The following ATN1 variants were observed in gnomAD, a reference collection of about 807,000 sequenced individuals.
ATN1 encodes atrophin 1.
Under a neutral mutation model 85.8 loss-of-function variants are expected in ATN1, and 19 were observed. The ratio of observed to expected loss-of-function variants is 0.22; its 90% confidence interval spans 0.15 to 0.32. The LOEUF (loss-of-function observed/expected upper bound fraction) is 0.32, where lower values mean the gene tolerates loss of function less well. Ranked by LOEUF, ATN1 falls within the 10% of genes least tolerant of loss-of-function variation. The probability of loss-of-function intolerance (pLI) is 1.00; values close to 1 mark genes in which losing one functional copy is unlikely to be tolerated. For missense variants in ATN1, 1,453 were observed against 1,564.5 expected (o/e 0.93, Z 1.20); for synonymous variants, 674 against 657.0 (o/e 1.03, Z -0.39).
At position 6,937,174 on chromosome 12, in the gene ATN1, C is replaced by T; in HGVS notation, c.1907C>T (p.Pro636Leu). The T allele has an allele frequency of 6.2e-7, 1 of 1,611,280 alleles. No homozygotes were observed. Among genetic ancestry groups the T allele is most frequent in the South Asian group, 1.1e-5 (1 of 91,064 alleles). The change falls in exon 5 of 10, where the codon CCC becomes CTC. Residue 636 changes from proline (P) to leucine (L), a missense_variant. By Grantham distance (98) the Pro-to-Leu change is moderately conservative (BLOSUM62 -3). This residue lies in a region of ATN1 where 990 missense variants were observed against 914.8 expected (regional missense o/e 1.08). Coordinates refer to ENST00000396684, the MANE Select transcript of ATN1 (RefSeq NM_001940.4). This position sits in a 1 kb window ranked among gnomAD's most constrained non-coding sequence, Gnocchi z 6.0. The part of the protein sequence containing the change: ...AGYKTASPPG[P>L]PPYGKRAPSP... ...TACAAAACGGCCTCCCCACCTGGGCCCCCACCGTACGGAAAGAGAGCCCCG... is the reference window on the plus strand; with the variant it reads ...TACAAAACGGCCTCCCCACCTGGGCTCCCACCGTACGGAAAGAGAGCCCCG...
Position 6,937,646 on chromosome 12 carries a change from C to T in ATN1, c.2294+85C>T. On this transcript the variant is annotated intron_variant, in intron 5 of 9. Coordinates refer to ENST00000396684, the MANE Select transcript of ATN1 (RefSeq NM_001940.4). The surrounding 1 kb of genome is among the most constrained non-coding windows in gnomAD (Gnocchi z 6.0). ...GAGAGAGGGAGTAGCAGGGAGGGGC[C>T]TTGCGCTGGTGTAGTGTTTTAGAAA... 3 of 1,433,024 alleles carry T rather than the reference C, an allele frequency of 2.1e-6. No homozygotes were observed. Among genetic ancestry groups the T allele is most frequent in the Non-Finnish European group, 2.7e-6 (3 of 1,091,564 alleles). 88.8% of individuals were successfully genotyped at this position (1,433,024 alleles called of 1,614,324 possible).
At chr12:6,924,908 C>T (rs1397664158), upstream of ATN1, among the ~76,000 whole-genome samples, 1 of 152,178 alleles carries the variant, frequency 6.6e-6, no homozygotes, top group East Asian at 1.9e-4. Context: ...TTTCATCCCT[C>T]CTCACCAGGT....
chr12:6,937,267 C>A lies in ATN1; in HGVS notation c.2000C>A (p.Thr667Lys). The A allele has an allele frequency of 6.2e-7, 1 of 1,609,902 alleles. No homozygotes were observed. Among genetic ancestry groups the A allele is most frequent in the Non-Finnish European group, 8.5e-7 (1 of 1,178,886 alleles). The change falls in exon 5 of 10, where the codon ACG becomes AAG. Residue 667 changes from threonine to lysine, a missense_variant. By Grantham distance (78) the Thr-to-Lys change is moderately conservative. Transcript: ENST00000396684. The surrounding 1 kb of genome is among the most constrained non-coding windows in gnomAD (Gnocchi z 6.0). ...CCCGGGTCGCCTCCCTCCTTCCGAA[C>A]GGGGACCCCACCGGGCTATCGAGGA... ...YKPGSPPSFR[T>K]GTPPGYRGTS...
At chr12:6,938,215 A>C in intron 6 of ATN1, 148 bp downstream of exon 6, 5 of 1,419,470 alleles carry the variant, frequency 3.5e-6, no homozygotes, top group Non-Finnish European at 3.7e-6. Flanking sequence ...GTACCACTGC[A>C]GCCCAGGAAA....
chr12:6,937,447 A>G lies in ATN1; in HGVS notation c.2180A>G (p.Lys727Arg). 1 of 1,547,004 alleles carries G rather than the reference A, an allele frequency of 6.5e-7. No homozygotes were observed. The highest frequency in any genetic ancestry group is 8.7e-7 in the Non-Finnish European group (1 of 1,147,124). ...CCGCCCCTGAGCGCCACGCAGATCA[A>G]ACAGGAGCCGGCTGAGGAGTATGAG... ...SGPPLSATQI[K>R]QEPAEEYETP... Residue 727 changes from lysine (K) to arginine (R), a missense_variant, in exon 5 of 10, where the codon AAA becomes AGA. Around this residue, in one of 6 missense-constraint regions of ATN1, gnomAD observed 990 missense variants for 914.8 expected, o/e 1.08. Coordinates refer to ENST00000396684, the MANE Select transcript of ATN1 (RefSeq NM_001940.4). The surrounding 1 kb of genome is among the most constrained non-coding windows in gnomAD (Gnocchi z 6.0).
In ATN1 at chr12:6,938,884, A is replaced by G. The variant is rs1262824837; in HGVS notation, c.2921A>G (p.His974Arg). ...CCGGGCTTGGATCCCTTTCCCCGAC[A>G]TGGGGGCCTGGCTCTGCAGCCTGGC... The part of the protein sequence containing the change: ...PGPGLDPFPR[H>R]GGLALQPGPP... Residue 974 changes from histidine to arginine, a missense_variant, in exon 7 of 10, where the codon CAT (histidine) becomes CGT (arginine). Physicochemically the swap from His to Arg is conservative, Grantham distance 29 (BLOSUM62 0). Around this residue, in one of 6 missense-constraint regions of ATN1, gnomAD observed 208 missense variants for 263.4 expected, o/e 0.79. Transcript: ENST00000396684. 9.9e-6 allele frequency: 16 copies of G among 1,613,870 alleles called. No homozygotes were observed. The highest frequency in any genetic ancestry group is 1.4e-5 in the Non-Finnish European group (16 of 1,179,976).
At chr12:6,929,110 C>T (rs1664869345) in intron 1 of ATN1, among the ~76,000 whole-genome samples, 1 of 152,136 alleles carries the variant, frequency 6.6e-6, no homozygotes, top group Admixed American at 6.5e-5. Flanking sequence ...TTGGAGAGGG[C>T]ACTGGGGCCC....
rs1009877987 is a variant in ATN1, at chr12:6,937,048, C to T, written c.1781C>T (p.Pro594Leu). 1.9e-6 allele frequency: 3 copies of T among 1,613,948 alleles called. No individual in the cohort carries two copies. Among genetic ancestry groups the T allele is most frequent in the Non-Finnish European group, 2.5e-6 (3 of 1,180,006 alleles). ...PCSHPSPSQG[P>L]QGAPYPFPPV... ...TCACACCCCTCCCCTTCCCAGGGCC[C>T]TCAAGGGGCGCCCTACCCTTTCCCA... is the stretch of plus-strand genomic sequence containing the variant. The change falls in exon 5 of 10, where the codon CCT becomes CTT. Residue 594 changes from proline (P) to leucine (L), a missense_variant. Physicochemically the swap from Pro to Leu is moderately conservative, Grantham distance 98 (BLOSUM62 -3). Transcript: ENST00000396684. The surrounding 1 kb of genome is among the most constrained non-coding windows in gnomAD (Gnocchi z 6.0).
At position 6,933,919 on chromosome 12, in the gene ATN1, T is replaced by G; in HGVS notation, c.-83T>G. 1 of 1,529,168 alleles carries G rather than the reference T, an allele frequency of 6.5e-7. No individual in the cohort carries two copies. Among genetic ancestry groups the G allele is most frequent in the Non-Finnish European group, 8.9e-7 (1 of 1,123,732 alleles). The allele number at this position is 1,529,168 out of a possible 1,614,324, so 94.7% of individuals were successfully genotyped here. On this transcript the variant is annotated 5_prime_UTR_variant, in exon 2 of 10. Transcript: ENST00000396684. ...GAGATCCTGCTTCCCAGACCACAGCTGTGGGGAACTTGGGGTGGAGCAGAG... is the reference window on the plus strand; with the variant it reads ...GAGATCCTGCTTCCCAGACCACAGCGGTGGGGAACTTGGGGTGGAGCAGAG...
At chr12:6,929,248 T>C (rs955804864) in intron 1 of ATN1, among the ~76,000 whole-genome samples, 13 of 152,120 alleles carry the variant, frequency 8.5e-5, no homozygotes, top group African/African-American at 3.1e-4. Flanking sequence ...TCCAGGCAAG[T>C]TGCGACCTCC....
Position 6,936,147 on chromosome 12 carries a change from T to C in ATN1, c.880T>C (p.Phe294Leu). ...ACCTTCTGCTCCACCACCAGCCAACTTCCCCCATGTGACACCGAACCTGCC... is the reference window on the plus strand; with the variant it reads ...ACCTTCTGCTCCACCACCAGCCAACCTCCCCCATGTGACACCGAACCTGCC... Reference protein sequence around the residue: ...NLPSAPPPANFPHVTPNLPPP... With the variant: ...NLPSAPPPANLPHVTPNLPPP... Residue 294 changes from phenylalanine (F) to leucine (L), a missense_variant, in exon 5 of 10, where the codon TTC becomes CTC. Phe to Leu is a conservative substitution (Grantham distance 22). Transcript: ENST00000396684. 2.0e-6 allele frequency: 3 copies of C among 1,532,674 alleles called. No individual in the cohort carries two copies. The highest frequency in any genetic ancestry group is 2.6e-6 in the Non-Finnish European group (3 of 1,140,714). 94.9% of individuals were successfully genotyped at this position (1,532,674 alleles called of 1,614,324 possible). A position where few individuals can be genotyped will look rare whatever the true frequency, so the allele number is the denominator to read the frequency against.
chr12:6,942,003 C>T lies in ATN1; in HGVS notation c.*223C>T, dbSNP rs781909036. ...AGGTGGCGAGGATGGGGACAGAAAGCGCACAGAATCTTGGACCAGGTCTCT... is the reference window on the plus strand; with the variant it reads ...AGGTGGCGAGGATGGGGACAGAAAGTGCACAGAATCTTGGACCAGGTCTCT... On this transcript the variant is annotated 3_prime_UTR_variant, in exon 10 of 10. Coordinates refer to ENST00000396684, the MANE Select transcript of ATN1 (RefSeq NM_001940.4). 2.6e-5 allele frequency: 15 copies of T among 583,280 alleles called. No individual in the cohort carries two copies. The highest frequency in any genetic ancestry group is 1.4e-4 in the East Asian group (5 of 35,382). The allele number at this position is 583,280 out of a possible 1,614,324, so 36.1% of individuals were successfully genotyped here.
chr12:6,936,368 A>G lies in ATN1; in HGVS notation c.1101A>G (p.Pro367=), dbSNP rs138480639. The change falls in exon 5 of 10, where the codon CCA becomes CCG. Residue 367 remains proline, a synonymous_variant. Transcript: ENST00000396684. ...HSLPPASSSA[P]APPMRFPYSS... is the part of the protein sequence containing the mutation. ...TGCCTCCTGCTTCCTCTTCTGCTCCAGCGCCCCCCATGAGGTTTCCTTATT... is the reference window on the plus strand; with the variant it reads ...TGCCTCCTGCTTCCTCTTCTGCTCCGGCGCCCCCCATGAGGTTTCCTTATT... 6,613 of 1,613,556 alleles carry G rather than the reference A, an allele frequency of 4.1e-3. 36 individuals are homozygous for G. Among genetic ancestry groups the G allele is most frequent in the South Asian group, 0.015 (1,402 of 91,060 alleles).
At chr12:6,940,258 G>T (rs1268071160) in intron 7 of ATN1, among the ~76,000 whole-genome samples, 1 of 151,536 alleles carries the variant, frequency 6.6e-6, no homozygotes, top group African/African-American at 2.4e-5. Flanking sequence ...CCAAAGTGCT[G>T]GAATTACAAG....
chr12:6,937,220 A>T lies in ATN1; in HGVS notation c.1953A>T (p.Thr651=). The T allele has an allele frequency of 6.2e-7, 1 of 1,611,662 alleles. No homozygotes were observed. The highest frequency in any genetic ancestry group is 8.5e-7 in the Non-Finnish European group (1 of 1,179,636). The change falls in exon 5 of 10, where the codon ACA becomes ACT. Residue 651 remains threonine (T), a synonymous_variant. Coordinates refer to ENST00000396684, the MANE Select transcript of ATN1 (RefSeq NM_001940.4). The surrounding 1 kb of genome is among the most constrained non-coding windows in gnomAD (Gnocchi z 6.0). The stretch of plus-strand genomic sequence containing the variant: ...CCCCGTCCCCGGGGGCCTACAAGAC[A>T]GCCACCCCACCCGGATACAAACCCG... The part of the protein sequence containing the change: ...KRAPSPGAYK[T]ATPPGYKPGS...
Position 6,938,750 on chromosome 12 carries a change from T to C in ATN1, c.2787T>C (p.Ala929=), listed in dbSNP as rs782213823. 2 of 1,614,056 alleles carry C rather than the reference T, an allele frequency of 1.2e-6. No individual in the cohort carries two copies. The highest frequency in any genetic ancestry group is 2.2e-5 in the South Asian group (2 of 91,086). The stretch of plus-strand genomic sequence containing the variant: ...CGGCCCTGTACAGCAGTGATCCAGC[T>C]GCCCGGGAGAGGGAACGGGAAGCCC... ...NVPALYSSDP[A]AREREREARE... The change falls in exon 7 of 10, where the codon GCT becomes GCC. Residue 929 remains alanine (A), a synonymous_variant. Coordinates refer to ENST00000396684, the MANE Select transcript of ATN1 (RefSeq NM_001940.4).
At chr12:6,939,215 C>A (rs1171429327) in intron 7 of ATN1, 38 bp downstream of exon 7, 2 of 1,552,064 alleles carry the variant, frequency 1.3e-6, no homozygotes, top group African/African-American at 2.7e-5. Flanking sequence ...CCTTTGGGGC[C>A]ACCTTCCCCC....
intron 7 of ATN1, among the ~76,000 whole-genome samples, chr12:6,939,674 G>C (rs1367590693): frequency 6.6e-6 from 1 of 152,064 alleles, no homozygotes; most frequent in Non-Finnish European, 1.5e-5. Context: ...GCTACTTTTT[G>C]TATTTTTGGT....
Position 6,937,486 on chromosome 12 carries a change from CG to C in ATN1, c.2221del (p.Val741CysfsTer14). The C allele has an allele frequency of 6.5e-7, 1 of 1,545,870 alleles. No homozygotes were observed. Among genetic ancestry groups the C allele is most frequent in the Non-Finnish European group, 8.7e-7 (1 of 1,147,124 alleles). ...GAGGAGTATGAGACCCCCGAGAGCC[CG>C]GTGCCCCCAGCCCGCAGCCCCTCGC... Reference protein sequence around the residue: ...PAEEYETPESPVPPARSPSPP... With the variant: ...PAEEYETPESXVPPARSPSPP... On this transcript the variant is annotated frameshift_variant, in exon 5 of 10. Coordinates refer to ENST00000396684, the MANE Select transcript of ATN1 (RefSeq NM_001940.4). LOFTEE classifies it high-confidence loss of function. The surrounding 1 kb of genome is among the most constrained non-coding windows in gnomAD (Gnocchi z 6.0).
Sources: gnomAD v4.1 joint callset for allele counts (sites outside exome capture counted in the v4.1 genomes callset) on GRCh38, gnomAD v4.1.1 for gene constraint, gnomAD v4.1.1 regional missense constraint, Gnocchi (gnomAD v3.1) non-coding constraint, MANE v1.5 for transcripts, NCBI Gene and HGNC (gene_info 2026-07-23, HGNC 2026-07-21) for gene names.